KALRN: variants seen among roughly 807,000 people sequenced by gnomAD.
KALRN encodes kalirin RhoGEF kinase, also known as kalirin.
KALRN carries 70 observed loss-of-function variants against 353.7 expected under a neutral mutation model. That is an observed-to-expected ratio of 0.20 (90% CI 0.16 to 0.24). The LOEUF (loss-of-function observed/expected upper bound fraction) is 0.24. Ranked by LOEUF, KALRN falls within the 10% of genes least tolerant of loss-of-function variation. The probability of loss-of-function intolerance (pLI) is 1.00; values close to 1 mark genes in which losing one functional copy is unlikely to be tolerated. For missense variants in KALRN, 2,791 were observed against 3,756.7 expected (o/e 0.74, Z 6.72); for synonymous variants, 1,391 against 1,434.8 (o/e 0.97, Z 0.69).
intron 34 of KALRN, among the ~76,000 whole-genome samples, chr3:124,575,530 G>A (rs1561321771): frequency 6.6e-6 from 1 of 152,170 alleles, no homozygotes; most frequent in East Asian, 1.9e-4. Flanking sequence ...TGAACATGGT[G>A]GCTTCAAACA....
chr3:124,510,748 A>G (rs916865524), intron 33 of KALRN, among the ~76,000 whole-genome samples: 1 of 152,056 alleles, frequency 6.6e-6, no homozygotes, highest in African/African-American at 2.4e-5. Flanking sequence ...TCTAATGCTT[A>G]TTTGTTACCT....
chr3:124,618,066 G>GA, intron 34 of KALRN, among the ~76,000 whole-genome samples: 1 of 127,068 alleles, frequency 7.9e-6, no homozygotes, highest in Non-Finnish European at 1.6e-5. Context: ...GGAATGGAAA[G>GA]AAAATACCAG....
At chr3:124,500,953 C>T (rs2064451053) in intron 33 of KALRN, among the ~76,000 whole-genome samples, 1 of 147,300 alleles carries the variant, frequency 6.8e-6, no homozygotes, top group South Asian at 2.3e-4. Context: ...AGCCAAATAT[C>T]TTCTTGTTTA....
At chr3:124,209,701 A>G (rs1284247894) in intron 1 of KALRN, among the ~76,000 whole-genome samples, 1 of 152,186 alleles carries the variant, frequency 6.6e-6, no homozygotes, top group East Asian at 1.9e-4. Flanking sequence ...AGGAATGAAT[A>G]GAATCTGAAA....
chr3:124,678,198 G>C lies in KALRN; in HGVS notation c.7202G>C (p.Cys2401Ser). 6.2e-7 allele frequency: 1 copy of C among 1,613,730 alleles called. No homozygotes were observed. The highest frequency in any genetic ancestry group is 8.5e-7 in the Non-Finnish European group (1 of 1,179,820). The change falls in exon 50 of 60, where the codon TGT (cysteine) becomes TCT (serine). Residue 2401 changes from cysteine to serine, a missense_variant. Physicochemically the swap from Cys to Ser is moderately radical, Grantham distance 112 (BLOSUM62 -1). Transcript: ENST00000682506. ...ATTTTTTGGTACAACAGGAAGTCAT[G>C]TTCATGGCATACTCTACGCATGAGA... Reference protein sequence around the residue: ...ESSDGSIKKSCSWHTLRMRKR... With the variant: ...ESSDGSIKKSSSWHTLRMRKR...
chr3:124,663,359 C>T (rs1293939090), intron 45 of KALRN, among the ~76,000 whole-genome samples: 2 of 152,170 alleles, frequency 1.3e-5, no homozygotes, highest in Non-Finnish European at 2.9e-5. Flanking sequence ...AATAAGGTCA[C>T]ATGCTGACAT....
At chr3:124,235,732 C>T (rs540933123) in intron 3 of KALRN, among the ~76,000 whole-genome samples, 24 of 152,346 alleles carry the variant, frequency 1.6e-4, no homozygotes, top group African/African-American at 4.3e-4. Context: ...TGAGCAGCGA[C>T]GGCACTGCTC....
chr3:124,658,616 C>A, intron 42 of KALRN, 99 bp downstream of exon 42: 2 of 864,368 alleles, frequency 2.3e-6, no homozygotes, highest in East Asian at 2.5e-5. Flanking sequence ...ATATGTGACC[C>A]CCACACAGCA....
intron 1 of KALRN, among the ~76,000 whole-genome samples, chr3:124,080,966 C>T (rs2060510892): frequency 6.6e-6 from 1 of 152,212 alleles, no homozygotes. Flanking sequence ...CAGAGACCTG[C>T]ATTCCACCTA....
intron 1 of KALRN, among the ~76,000 whole-genome samples, chr3:124,221,006 T>C (rs1392596816): frequency 1.3e-5 from 2 of 152,242 alleles, no homozygotes; most frequent in African/African-American, 4.8e-5. Context: ...CCTTGCTGTA[T>C]GTAGCACAGA....
chr3:124,565,972 G>A (rs2072759846), intron 34 of KALRN, among the ~76,000 whole-genome samples: 1 of 152,206 alleles, frequency 6.6e-6, no homozygotes, highest in Non-Finnish European at 1.5e-5. Flanking sequence ...AAGAGACAAA[G>A]CTGGGAGGGA....
rs1259546679 is a variant in KALRN, at chr3:124,094,904, G to A, written c.73+61091G>A. The A allele has an allele frequency of 1.9e-6, 3 of 1,613,736 alleles. No homozygotes were observed. In the African/African-American group the frequency reaches 4.0e-5, roughly 22 times the overall value. Reference sequence around the variant, plus strand: ...CCGCTTGCTCCGGCTGCTGGATCGAGGTATCCTGAGTGTGTGTATGCTTGT... The same window carrying A: ...CCGCTTGCTCCGGCTGCTGGATCGAAGTATCCTGAGTGTGTGTATGCTTGT... On this transcript the variant is annotated intron_variant, in intron 1 of 59. Transcript: ENST00000682506.
chr3:124,430,913 CCTCT>C, intron 16 of KALRN, 138 bp downstream of exon 16: 2 of 1,068,512 alleles, frequency 1.9e-6, no homozygotes, highest in Non-Finnish European at 2.6e-6. Flanking sequence ...AGGGAGCCTT[CCTCT>C]TACCCAAGAG....
chr3:124,458,848 C>T (rs111668867), intron 23 of KALRN, among the ~76,000 whole-genome samples: 38 of 152,168 alleles, frequency 2.5e-4, no homozygotes, highest in African/African-American at 9.2e-4. Flanking sequence ...GTATGAAAAT[C>T]CCTTGAACCC....
intron 33 of KALRN, among the ~76,000 whole-genome samples, chr3:124,556,620 C>G (rs1336806682): frequency 6.6e-6 from 1 of 152,138 alleles, no homozygotes; most frequent in Non-Finnish European, 1.5e-5. Flanking sequence ...AACTGTCTAT[C>G]CGCTCCCCCA....
At chr3:124,638,585 C>CT (rs2081633826) in intron 37 of KALRN, among the ~76,000 whole-genome samples, 1 of 152,028 alleles carries the variant, frequency 6.6e-6, no homozygotes, top group Non-Finnish European at 1.5e-5. Flanking sequence ...CTTTTTCTTT[C>CT]TTTTTTGCAT....
At chr3:124,247,883 G>GA (rs35683525) in intron 3 of KALRN, among the ~76,000 whole-genome samples, 25 of 148,306 alleles carry the variant, frequency 1.7e-4, no homozygotes, top group South Asian at 1.5e-3. Flanking sequence ...CACTTGTATT[G>GA]AAAAAAAAAA....
At chr3:124,183,414 C>T (rs1430030787) in intron 1 of KALRN, among the ~76,000 whole-genome samples, 1 of 152,022 alleles carries the variant, frequency 6.6e-6, no homozygotes, top group African/African-American at 2.4e-5. Context: ...TGGGGAGGTG[C>T]TACACTTTAC....
chr3:124,143,774 T>C (rs2149809734), intron 1 of KALRN, among the ~76,000 whole-genome samples: 1 of 152,316 alleles, frequency 6.6e-6, no homozygotes, highest in South Asian at 2.1e-4. Flanking sequence ...TCCTAAAAGC[T>C]TCCAATAAAG....
Sources: allele counts gnomAD v4.1 joint callset (sites outside exome capture counted in the v4.1 genomes callset), GRCh38; gene constraint gnomAD v4.1.1; transcripts MANE v1.5; gene names NCBI Gene and HGNC (gene_info 2026-07-23, HGNC 2026-07-21).